The following MADCAM1 variants were observed in gnomAD, a reference collection of about 807,000 sequenced individuals.
MADCAM1 encodes the protein mucosal addressin cell adhesion molecule 1.
In MADCAM1, 19 loss-of-function variants were observed where a neutral mutation model predicts 26.1. That is an observed-to-expected ratio of 0.73 (90% CI 0.51 to 1.07). The LOEUF (loss-of-function observed/expected upper bound fraction) is 1.07. Among genes scored for constraint, MADCAM1 ranks in the 50% least tolerant of loss-of-function variants. The pLI is 0.00. For synonymous variants in MADCAM1, 268 were observed against 260.9 expected (o/e 1.03, Z -0.26); for missense variants, 514 against 542.1 (o/e 0.95, Z 0.51).
chr19:499,991 G>C (rs1000104932), intron 3 of MADCAM1: 2 of 450,300 alleles, frequency 4.4e-6, no homozygotes, highest in Non-Finnish European at 4.5e-6. Flanking sequence ...GGTCTTTGTG[G>C]TGGGGGTGGG....
chr19:505,008 C>T lies in MADCAM1; in HGVS notation c.*43C>T. The T allele has an allele frequency of 1.4e-6, 2 of 1,462,614 alleles. No individual in the cohort carries two copies. Among genetic ancestry groups the T allele is most frequent in the South Asian group, 1.3e-5 (1 of 78,792 alleles). The allele number at this position is 1,462,614 out of a possible 1,614,324, so 90.6% of individuals were successfully genotyped here. A position where few individuals can be genotyped will look rare whatever the true frequency, so the allele number is the denominator to read the frequency against. Reference sequence around the variant, plus strand: ...CTGTGAAAGCAAAATAGCTTGGACCCCTTCAAGTTGAGAACTGGTCAGGGC... The same window carrying T: ...CTGTGAAAGCAAAATAGCTTGGACCTCTTCAAGTTGAGAACTGGTCAGGGC... On this transcript the variant is annotated 3_prime_UTR_variant, in exon 5 of 5. Transcript: ENST00000215637.
rs1390345912 is a variant in MADCAM1, at chr19:505,340, G to A, written c.*375G>A. On this transcript the variant is annotated 3_prime_UTR_variant, in exon 5 of 5. Coordinates refer to ENST00000215637, the MANE Select transcript of MADCAM1 (RefSeq NM_130760.3). ...CTTTGGCAAATAAACCTCCTAAAAT[G>A]ATACAAACGTGTCAGTTTTCTCAGT... 5.2e-6 allele frequency: 1 copy of A among 190,948 alleles called. No homozygotes were observed. 11.8% of individuals were successfully genotyped at this position (190,948 alleles called of 1,614,324 possible). A position where few individuals can be genotyped will look rare whatever the true frequency, so the allele number is the denominator to read the frequency against.
rs772464119 is a variant in MADCAM1 at position 505,341 on chromosome 19, A to G, written c.*376A>G. On this transcript the variant is annotated 3_prime_UTR_variant, in exon 5 of 5. Coordinates refer to ENST00000215637, the MANE Select transcript of MADCAM1 (RefSeq NM_130760.3). ...TTTGGCAAATAAACCTCCTAAAATGATACAAACGTGTCAGTTTTCTCAGTT... is the reference window on the plus strand; with the variant it reads ...TTTGGCAAATAAACCTCCTAAAATGGTACAAACGTGTCAGTTTTCTCAGTT... The G allele has an allele frequency of 5.3e-6, 1 of 188,660 alleles. No homozygotes were observed. The highest frequency in any genetic ancestry group is 1.1e-5 in the Non-Finnish European group (1 of 91,890). 11.7% of individuals were successfully genotyped at this position (188,660 alleles called of 1,614,324 possible).
In MADCAM1 at chr19:502,367, C is replaced by A. The variant is rs1186726779; in HGVS notation, c.928+438C>A. Among the ~76,000 whole-genome samples the A allele has an allele frequency of 5.3e-5, 8 of 151,890 alleles. No homozygotes were observed. In the South Asian group the frequency reaches 1.7e-3, roughly 32 times the overall value. On this transcript the variant is annotated intron_variant, in intron 4 of 4. Transcript: ENST00000215637. ...CCCAGGCTGGAGTGCAGTGGTGCAA[C>A]CTCGACTCATTGCAACCTCCGCCTC...
Position 498,966 on chromosome 19 carries a change from A to G in MADCAM1, c.667+141A>G, listed in dbSNP as rs569367261. 7.2e-6 allele frequency: 9 copies of G among 1,244,974 alleles called. No individual in the cohort carries two copies. In the East Asian group the frequency reaches 2.5e-4, roughly 34 times the overall value. 77.1% of individuals were successfully genotyped at this position (1,244,974 alleles called of 1,614,324 possible). A position where few individuals can be genotyped will look rare whatever the true frequency, so the allele number is the denominator to read the frequency against. ...GATTCCCCCACGCAGCGACAGCGAC[A>G]TTCATCGACGCAACATGTATTTGCC... On this transcript the variant is annotated intron_variant, in intron 3 of 4. Coordinates refer to ENST00000215637, the MANE Select transcript of MADCAM1 (RefSeq NM_130760.3).
Position 504,735 on chromosome 19 carries a change from C to A in MADCAM1, c.929-10C>A. 1 of 1,591,184 alleles carries A rather than the reference C, an allele frequency of 6.3e-7. No individual in the cohort carries two copies. The highest frequency in any genetic ancestry group is 8.6e-7 in the Non-Finnish European group (1 of 1,162,556). ...GGCTCTGACCGGGGTCTCCTGCACT[C>A]TCTCCCCAGCGTCCAAACCTGCGGG... On this transcript the variant is annotated splice_polypyrimidine_tract_variant and intron_variant, in intron 4 of 4. Coordinates refer to ENST00000215637, the MANE Select transcript of MADCAM1 (RefSeq NM_130760.3).
intron 1 of MADCAM1, 59 bp from the exon 2 acceptor site, chr19:497,774 C>A: frequency 1.0e-5 from 11 of 1,075,926 alleles, no homozygotes; most frequent in Non-Finnish European, 1.2e-5. Flanking sequence ...GACGCAGGGC[C>A]GGTGGCGGGG....
At chr19:499,161 T>G (rs1978304438) in intron 3 of MADCAM1, 3 of 549,796 alleles carry the variant, frequency 5.5e-6, no homozygotes, top group Non-Finnish European at 1.0e-5. Flanking sequence ...CTCATTCTGC[T>G]GCAGCCACAC....
intron 4 of MADCAM1, 23 bp downstream of exon 4, chr19:501,952 A>G: frequency 6.5e-6 from 4 of 614,234 alleles, no homozygotes; most frequent in Non-Finnish European, 1.1e-5. Context: ...CCCTGGGGGC[A>G]GGGAGGGTGG....
intron 3 of MADCAM1, 128 bp from the exon 4 acceptor site, chr19:501,541 C>G: frequency 1.9e-6 from 1 of 523,436 alleles, no homozygotes; most frequent in South Asian, 4.6e-5. Flanking sequence ...TGTGACTCAC[C>G]AGAGTGGTCC....
At chr19:499,286 C>T (rs1486917549) in intron 3 of MADCAM1, 1 of 459,686 alleles carries the variant, frequency 2.2e-6, no homozygotes, top group Admixed American at 2.3e-5. Context: ...CTTTCCACGG[C>T]TCTCTCCTCC....
At position 498,909 on chromosome 19, in the gene MADCAM1, A is replaced by C. The variant is rs1353749330; in HGVS notation, c.667+84A>C. ...GGACGGGGTGGGGGGGTGGGGGGGC[A>C]GCACCTGTGCTGTGGGGCGCTGGGA... On this transcript the variant is annotated intron_variant, in intron 3 of 4. Coordinates refer to ENST00000215637, the MANE Select transcript of MADCAM1 (RefSeq NM_130760.3). 10 of 1,306,104 alleles carry C rather than the reference A, an allele frequency of 7.7e-6. No homozygotes were observed. The East Asian group carries it at 3.5e-4, about 46-fold the overall frequency. The allele number at this position is 1,306,104 out of a possible 1,614,324, so 80.9% of individuals were successfully genotyped here.
At chr19:500,904 G>C (rs140953145) in intron 3 of MADCAM1, among the ~76,000 whole-genome samples, 1 of 151,866 alleles carries the variant, frequency 6.6e-6, no homozygotes, top group African/African-American at 2.4e-5. Flanking sequence ...TTATCAACTA[G>C]AACAGTAAGC....
intron 4 of MADCAM1, among the ~76,000 whole-genome samples, chr19:503,396 A>C (rs900651280): frequency 1.3e-4 from 19 of 151,246 alleles, no homozygotes; most frequent in Non-Finnish European, 2.5e-4. Flanking sequence ...CCTGGCTAAC[A>C]CGGTGAAACC....
At chr19:497,783 G>A in intron 1 of MADCAM1, 50 bp from the exon 2 acceptor site, 1 of 1,233,038 alleles carries the variant, frequency 8.1e-7, no homozygotes, top group Non-Finnish European at 1.0e-6. Flanking sequence ...CCGGTGGCGG[G>A]GCGGGGTCCG....
At chr19:498,265 C>A in intron 2 of MADCAM1, 148 bp downstream of exon 2, 2 of 923,978 alleles carry the variant, frequency 2.2e-6, no homozygotes, top group Non-Finnish European at 2.9e-6. Flanking sequence ...GCCTTCGCTT[C>A]CCTCCAACTC....
Position 500,009 on chromosome 19 carries a change from T to C in MADCAM1, c.667+1184T>C, listed in dbSNP as rs749146865. On this transcript the variant is annotated intron_variant, in intron 3 of 4. Transcript: ENST00000215637. ...CTTTGTGGTGGGGGTGGGGCTGGGG[T>C]GGGCAGAGAGGAGGCTGGATTTGAG... 4.0e-4 allele frequency: 107 copies of C among 265,444 alleles called. 1 individual carries two copies. The highest frequency in any genetic ancestry group is 6.4e-4 in the Non-Finnish European group (84 of 130,684). The allele number at this position is 265,444 out of a possible 1,614,324, so 16.4% of individuals were successfully genotyped here.
Position 498,618 on chromosome 19 carries a change from G to T in MADCAM1, c.460G>T (p.Gly154Trp). ...PNALSFSLLV[G>W]GQELEGAQAL... The stretch of plus-strand genomic sequence containing the variant: ...CGCGCTCTCCTTCTCCCTGCTCGTC[G>T]GGGGCCAGGAACTGGAGGGGGCGCA... Residue 154 changes from glycine (G) to tryptophan (W), a missense_variant, in exon 3 of 5, where the codon GGG becomes TGG. Gly to Trp is a radical substitution (Grantham distance 184, BLOSUM62 -2). Transcript: ENST00000215637. The T allele has an allele frequency of 6.8e-7, 1 of 1,473,444 alleles. No individual in the cohort carries two copies. The highest frequency in any genetic ancestry group is 2.6e-5 in the East Asian group (1 of 39,128). 91.3% of individuals were successfully genotyped at this position (1,473,444 alleles called of 1,614,324 possible).
chr19:503,393 A>G lies in MADCAM1; in HGVS notation c.929-1352A>G, dbSNP rs552770211. ...TCAGGAGATCGAGACCATCCTGGCTAACACGGTGAAACCCCGTCTCCACTA... is the reference window on the plus strand; with the variant it reads ...TCAGGAGATCGAGACCATCCTGGCTGACACGGTGAAACCCCGTCTCCACTA... On this transcript the variant is annotated intron_variant, in intron 4 of 4. Transcript: ENST00000215637. 3.4e-3 allele frequency among the ~76,000 whole-genome samples: 507 copies of G among 151,134 alleles called. 7 individuals are homozygous for G. Among genetic ancestry groups the G allele is most frequent in the South Asian group, 0.012 (59 of 4,790 alleles).
Sources: allele counts gnomAD v4.1 joint callset (sites outside exome capture counted in the v4.1 genomes callset), GRCh38; gene constraint gnomAD v4.1.1; transcripts MANE v1.5; gene names NCBI Gene and HGNC (gene_info 2026-07-23, HGNC 2026-07-21).